The following CAMKMT variants were observed in gnomAD, a reference collection of about 807,000 sequenced individuals.
The protein encoded by CAMKMT is CaM KMT.
Under a neutral mutation model 48.0 loss-of-function variants are expected in CAMKMT, and 53 were observed. That is an observed-to-expected ratio of 1.10 (90% CI 0.89 to 1.39). CAMKMT has a LOEUF of 1.39. Among genes scored for constraint, CAMKMT ranks in the 40% most tolerant of loss-of-function variants. The pLI, the probability that CAMKMT is intolerant of heterozygous loss-of-function variation, is 0.00. For synonymous variants in CAMKMT, 165 were observed against 152.3 expected (o/e 1.08, Z -0.61); for missense variants, 428 against 402.7 (o/e 1.06, Z -0.54).
rs1162580388 is a variant in CAMKMT at position 44,390,246 on chromosome 2, A to G, written c.317A>G (p.Asn106Ser). 2 of 1,607,338 alleles carry G rather than the reference A, an allele frequency of 1.2e-6. No homozygotes were observed. Among genetic ancestry groups the G allele is most frequent in the Non-Finnish European group, 1.7e-6 (2 of 1,177,512 alleles). The stretch of plus-strand genomic sequence containing the variant: ...AACGCTTTACTCCTTTCTAGGCATA[A>G]TAGTGGATCCTTGAATGTTGAAGAT... The part of the protein sequence containing the change: ...CPEYSISLRH[N>S]SGSLNVEDVL... Residue 106 changes from asparagine (N) to serine (S), a missense_variant, in exon 3 of 11, where the codon AAT becomes AGT. Coordinates refer to ENST00000378494, the MANE Select transcript of CAMKMT (RefSeq NM_024766.5).
intron 3 of CAMKMT, among the ~76,000 whole-genome samples, chr2:44,534,677 TAAATG>T (rs1666668845): frequency 6.6e-6 from 1 of 151,998 alleles, no homozygotes; most frequent in East Asian, 1.9e-4. Context: ...AAAAATATCT[TAAATG>T]AAAATGGAAA....
chr2:44,565,808 G>A (rs1668583544), intron 3 of CAMKMT, among the ~76,000 whole-genome samples: 1 of 152,118 alleles, frequency 6.6e-6, no homozygotes, highest in African/African-American at 2.4e-5. Flanking sequence ...CAATTACTGG[G>A]CAGGGCACAG....
chr2:44,647,292 G>A (rs1673788137), intron 3 of CAMKMT, among the ~76,000 whole-genome samples: 1 of 152,124 alleles, frequency 6.6e-6, no homozygotes, highest in Non-Finnish European at 1.5e-5. Context: ...TTGTTGGTCA[G>A]TTTTCCTTTT....
At chr2:44,402,740 G>GTTTTTTTTTT in intron 3 of CAMKMT, among the ~76,000 whole-genome samples, 8 of 94,090 alleles carry the variant, frequency 8.5e-5, no homozygotes, top group South Asian at 8.1e-4. Flanking sequence ...TTGTTTTGCT[G>GTTTTTTTTTT]TTTTTTTTTT....
At chr2:44,417,168 C>T (rs556110222) in intron 3 of CAMKMT, among the ~76,000 whole-genome samples, 5 of 151,780 alleles carry the variant, frequency 3.3e-5, no homozygotes, top group African/African-American at 7.3e-5. Flanking sequence ...GGCTGAGGCG[C>T]GGATCACGAG....
intron 3 of CAMKMT, among the ~76,000 whole-genome samples, chr2:44,528,629 A>G (rs1042429886): frequency 1.3e-5 from 2 of 152,152 alleles, no homozygotes; most frequent in African/African-American, 4.8e-5. Flanking sequence ...CTTTATTGTC[A>G]GTTTGTTTGA....
rs151250567 is a variant in CAMKMT, at chr2:44,715,323, G to C, written c.593G>C (p.Gly198Ala). The C allele has an allele frequency of 6.2e-7, 1 of 1,613,284 alleles. No individual in the cohort carries two copies. Among genetic ancestry groups the C allele is most frequent in the South Asian group, 1.1e-5 (1 of 91,050 alleles). The stretch of plus-strand genomic sequence containing the variant: ...ATCATCACAAGGAATCAGAAGGCTG[G>C]TGTGTTTAAGACCCAGAAAATATCA... ...QDIITRNQKA[G>A]VFKTQKISSC... The change falls in exon 7 of 11, where the codon GGT becomes GCT. Residue 198 changes from glycine to alanine, a missense_variant. Transcript: ENST00000378494.
chr2:44,660,252 T>C (rs1674607689), intron 3 of CAMKMT, among the ~76,000 whole-genome samples: 1 of 152,222 alleles, frequency 6.6e-6, no homozygotes, highest in African/African-American at 2.4e-5. Flanking sequence ...TCTTTTGCCA[T>C]AACGTATGTT....
chr2:44,647,283 T>C (rs1673787860), intron 3 of CAMKMT, among the ~76,000 whole-genome samples: 1 of 152,258 alleles, frequency 6.6e-6, no homozygotes, highest in Non-Finnish European at 1.5e-5. Context: ...CCTTCCTTTT[T>C]GTTGGTCAGT....
At chr2:44,650,183 T>A (rs1673979520) in intron 3 of CAMKMT, among the ~76,000 whole-genome samples, 1 of 152,024 alleles carries the variant, frequency 6.6e-6, no homozygotes, top group South Asian at 2.1e-4. Context: ...CTGAAACCCC[T>A]AGGGGAGTCC....
intron 3 of CAMKMT, among the ~76,000 whole-genome samples, chr2:44,608,561 G>T (rs1324710128): frequency 1.3e-5 from 2 of 151,916 alleles, no homozygotes; most frequent in Non-Finnish European, 2.9e-5. Context: ...TCCCTTTCTA[G>T]CTATTTGAAA....
chr2:44,472,971 A>T (rs1386527133), intron 3 of CAMKMT, among the ~76,000 whole-genome samples: 1 of 152,200 alleles, frequency 6.6e-6, no homozygotes, highest in Non-Finnish European at 1.5e-5. Context: ...TACCAGCGTG[A>T]GGAATAAACC....
chr2:44,677,069 A>G (rs921163805), intron 3 of CAMKMT, among the ~76,000 whole-genome samples: 2 of 152,184 alleles, frequency 1.3e-5, no homozygotes, highest in Non-Finnish European at 2.9e-5. Context: ...TGTTTCAACA[A>G]TCCTGAAGGG....
intron 3 of CAMKMT, among the ~76,000 whole-genome samples, chr2:44,546,221 A>G (rs1268023627): frequency 6.7e-6 from 1 of 149,002 alleles, no homozygotes; most frequent in African/African-American, 2.5e-5. Flanking sequence ...ACATACCCCT[A>G]TACCTATGAC....
intron 3 of CAMKMT, among the ~76,000 whole-genome samples, chr2:44,470,894 A>C (rs912681614): frequency 6.7e-6 from 1 of 150,162 alleles, no homozygotes; most frequent in African/African-American, 2.5e-5. Context: ...TTTATCTGCT[A>C]TGTTTATCTT....
chr2:44,588,188 A>G (rs1399348501), intron 3 of CAMKMT, among the ~76,000 whole-genome samples: 1 of 112,902 alleles, frequency 8.9e-6, no homozygotes, highest in African/African-American at 3.5e-5. Context: ...GAAGTGAGGA[A>G]ACCCTCTGCC....
chr2:44,564,888 A>G (rs1668528320), intron 3 of CAMKMT, among the ~76,000 whole-genome samples: 1 of 152,186 alleles, frequency 6.6e-6, no homozygotes, highest in East Asian at 1.9e-4. Context: ...GTGTCATTAC[A>G]TATATGCAGG....
intron 3 of CAMKMT, among the ~76,000 whole-genome samples, chr2:44,614,936 CT>C (rs3083440): frequency 0.057 from 2,790 of 48,622 alleles, 27 homozygotes; most frequent in East Asian, 0.1. Context: ...GGTCTCCTTG[CT>C]TTTTTTTTTT....
chr2:44,558,552 T>C (rs898240584), intron 3 of CAMKMT, among the ~76,000 whole-genome samples: 1 of 152,140 alleles, frequency 6.6e-6, no homozygotes, highest in Admixed American at 6.5e-5. Flanking sequence ...CAGAGGTGGA[T>C]TGGATAAGGA....
Sources: allele counts gnomAD v4.1 joint callset (sites outside exome capture counted in the v4.1 genomes callset), GRCh38; gene constraint gnomAD v4.1.1; transcripts MANE v1.5; gene names NCBI Gene and HGNC (gene_info 2026-07-23, HGNC 2026-07-21).